Variants in RNF128 observed in about 807,000 individuals in gnomAD.
The protein encoded by RNF128 is E3 ubiquitin-protein ligase RNF128.
RNF128 carries 13 observed loss-of-function variants against 26.2 expected under a neutral mutation model. The ratio of observed to expected loss-of-function variants is 0.50; its 90% CI spans 0.32 to 0.79. RNF128 has a LOEUF of 0.79. RNF128 is among the 30% of genes least tolerant of loss of function. The probability of loss-of-function intolerance (pLI) is 0.03; values close to 1 mark genes in which losing one functional copy is unlikely to be tolerated. For missense variants in RNF128, 315 were observed against 349.7 expected, an observed-to-expected ratio of 0.90 and a Z score of 0.79; for synonymous variants, 149 against 142.5, an observed-to-expected ratio of 1.05 and a Z score of -0.32.
At chrX:106,716,289 C>A (rs1214726065) in intron 1 of RNF128, among the ~76,000 whole-genome samples, 1 of 111,783 alleles carries the variant, frequency 8.9e-6, no homozygotes, top group Non-Finnish European at 1.9e-5. Context: ...AAATACCACA[C>A]CAACGCAATA....
At chrX:106,696,714 C>T (rs1282972598) in intron 1 of RNF128, among the ~76,000 whole-genome samples, 1 of 111,400 alleles carries the variant, frequency 9.0e-6, no homozygotes, top group African/African-American at 3.3e-5. Context: ...GTCCCATTAT[C>T]CTGTACTAGG....
intron 1 of RNF128, among the ~76,000 whole-genome samples, chrX:106,764,496 G>A (rs989985137): frequency 8.2e-5 from 9 of 109,852 alleles, no homozygotes; most frequent in Admixed American, 2.9e-4. Context: ...GTGAAACCCC[G>A]TCTCTACTAA....
At chrX:106,790,877 A>G (rs1329174683) in intron 5 of RNF128, among the ~76,000 whole-genome samples, 189 bp from the exon 6 acceptor site, 1 of 110,614 alleles carries the variant, frequency 9.0e-6, no homozygotes, top group Non-Finnish European at 1.9e-5. Context: ...CTTTCATCCC[A>G]TTGGTGGACC....
At chrX:106,730,476 A>G (rs1030569997) in intron 1 of RNF128, among the ~76,000 whole-genome samples, 1 of 112,268 alleles carries the variant, frequency 8.9e-6, no homozygotes, top group Non-Finnish European at 1.9e-5. Flanking sequence ...TGAAAGTCAG[A>G]TAAGTGGCCA....
chrX:106,769,089 T>C (rs979742410), intron 1 of RNF128, among the ~76,000 whole-genome samples: 1 of 112,318 alleles, frequency 8.9e-6, no homozygotes. Flanking sequence ...CAGTTTGTTA[T>C]AATTTCTGTT....
chrX:106,783,696 G>A (rs1030821685), intron 2 of RNF128, among the ~76,000 whole-genome samples: 3 of 111,528 alleles, frequency 2.7e-5, no homozygotes, highest in African/African-American at 9.8e-5. Context: ...CTGAGGCTGG[G>A]TAATTCATAA....
chrX:106,768,383 C>A (rs1212696738), intron 1 of RNF128, among the ~76,000 whole-genome samples: 1 of 111,507 alleles, frequency 9.0e-6, no homozygotes, highest in African/African-American at 3.3e-5. Flanking sequence ...TTTATTGCCA[C>A]AATTTCAGAG....
rs1159863976 is a variant in RNF128 at position 106,739,120 on chromosome X, C to CT, written c.484+11723_484+11724insT. 3.7e-5 allele frequency among the ~76,000 whole-genome samples: 4 copies of CT among 108,891 alleles called. No homozygotes were observed. The Admixed American group carries it at 3.9e-4, about 11-fold the overall frequency. 94.6% of individuals were successfully genotyped at this position (108,891 alleles called of 115,157 possible). On this transcript the variant is annotated intron_variant, in intron 1 of 6. Coordinates refer to ENST00000255499, the MANE Select transcript of RNF128 (RefSeq NM_194463.2). The stretch of plus-strand genomic sequence containing the variant: ...CTCTTCTATTCTCTTCTCTTCTCTT[C>CT]CTTCCTTCCTTTTTTCCTTCCTTCC...
intron 1 of RNF128, among the ~76,000 whole-genome samples, chrX:106,756,375 G>T (rs1189930979): frequency 3.6e-5 from 4 of 110,276 alleles, no homozygotes; most frequent in South Asian, 3.8e-4. Context: ...CATGGTACTG[G>T]TACCAAAACA....
At chrX:106,697,038 G>C (rs758540726) in intron 1 of RNF128, among the ~76,000 whole-genome samples, 1 of 111,598 alleles carries the variant, frequency 9.0e-6, no homozygotes, top group Non-Finnish European at 1.9e-5. Flanking sequence ...GTTAAACCAG[G>C]AAATTCCTGG....
intron 1 of RNF128, among the ~76,000 whole-genome samples, chrX:106,710,267 A>G (rs745999647): frequency 1.3e-4 from 15 of 112,051 alleles, no homozygotes; most frequent in African/African-American, 4.9e-4. Flanking sequence ...GAAGATATAC[A>G]CAACAAAAGG....
rs145118766 is a variant in RNF128, at chrX:106,719,078, G to T, written c.406+24670G>T. 2.0e-3 allele frequency among the ~76,000 whole-genome samples: 219 copies of T among 112,224 alleles called. 3 individuals are homozygous for T. Among genetic ancestry groups the T allele is most frequent in the African/African-American group, 6.7e-3 (208 of 30,914 alleles). ...AAGGGTAAGTCTTAGCTTAATAGGT[G>T]ATTGTGATTACATACTACAGTAGAA... On this transcript the variant is annotated intron_variant, in intron 1 of 6. Transcript: ENST00000324342.
intron 1 of RNF128, among the ~76,000 whole-genome samples, chrX:106,715,557 G>C (rs1315334716): frequency 9.0e-6 from 1 of 111,642 alleles, no homozygotes; most frequent in Admixed American, 9.5e-5. Flanking sequence ...AGATGTTTTT[G>C]TGGAGGACTA....
chrX:106,755,838 A>G (rs1429105564), intron 1 of RNF128, among the ~76,000 whole-genome samples: 2 of 110,481 alleles, frequency 1.8e-5, no homozygotes, highest in African/African-American at 3.3e-5. Context: ...AGAAAACCCC[A>G]TTGTCTCAGC....
chrX:106,791,261 G>C, intron 6 of RNF128, 27 bp downstream of exon 6: 1 of 1,184,214 alleles, frequency 8.4e-7, no homozygotes, highest in Non-Finnish European at 1.1e-6. Flanking sequence ...AGGTTAACGA[G>C]TGCCCTGCAA....
At chrX:106,717,779 T>C (rs940420058) in intron 1 of RNF128, among the ~76,000 whole-genome samples, 1 of 112,448 alleles carries the variant, frequency 8.9e-6, no homozygotes, top group African/African-American at 3.2e-5. Flanking sequence ...GTATACTTAA[T>C]GTAAAGATTA....
chrX:106,772,931 C>A lies in RNF128; in HGVS notation c.503C>A (p.Ala168Glu). Reference sequence around the variant, plus strand: ...TTTACAGGTGCAGTAGACATTGTTGCAATCATGATCGGCAATCTGAAAGGC... The same window carrying A: ...TTTACAGGTGCAGTAGACATTGTTGAAATCATGATCGGCAATCTGAAAGGC... ...MSHPGAVDIV[A>E]IMIGNLKGTK... Residue 168 changes from alanine (A) to glutamate (E), a missense_variant, in exon 2 of 7, where the codon GCA becomes GAA. Coordinates refer to ENST00000255499, the MANE Select transcript of RNF128 (RefSeq NM_194463.2). The A allele has an allele frequency of 8.3e-7, 1 of 1,209,075 alleles. No homozygotes were observed. The highest frequency in any genetic ancestry group is 3.0e-5 in the East Asian group (1 of 33,794).
intron 1 of RNF128, among the ~76,000 whole-genome samples, chrX:106,769,972 T>C (rs756779416): frequency 1.2e-4 from 13 of 111,514 alleles, no homozygotes; most frequent in African/African-American, 4.2e-4. Flanking sequence ...CAGCATTTGT[T>C]TGTCTGTAAA....
At chrX:106,736,468 C>T (rs188455102) in intron 1 of RNF128, among the ~76,000 whole-genome samples, 1 of 111,516 alleles carries the variant, frequency 9.0e-6, no homozygotes, top group Admixed American at 9.6e-5. Flanking sequence ...CCTCTTAGAG[C>T]TTCTTTTTCC....
Sources: gnomAD v4.1 joint callset for allele counts (sites outside exome capture counted in the v4.1 genomes callset) on GRCh38, gnomAD v4.1.1 for gene constraint, MANE v1.5 for transcripts, NCBI Gene and HGNC (gene_info 2026-07-23, HGNC 2026-07-21) for gene names.